Variants in TEX9 observed in about 807,000 individuals in gnomAD.
The protein encoded by TEX9 is testis expressed 9.
TEX9 carries 74 observed loss-of-function variants against 59.6 expected under a neutral mutation model. The observed-to-expected ratio is 1.24, with a 90% CI of 1.03 to 1.51. The LOEUF is 1.51. Among genes scored for constraint, TEX9 ranks in the 40% most tolerant of loss-of-function variants. The pLI, the probability that TEX9 is intolerant of heterozygous loss-of-function variation, is 0.00. For synonymous variants in TEX9, 186 were observed against 152.2 expected, an observed-to-expected ratio of 1.22 and a Z score of -1.64; for missense variants, 522 against 447.8, an observed-to-expected ratio of 1.17 and a Z score of -1.49.
intron 3 of TEX9, among the ~76,000 whole-genome samples, chr15:56,380,159 T>A (rs1306013753): frequency 6.6e-6 from 1 of 152,200 alleles, no homozygotes; most frequent in Non-Finnish European, 1.5e-5. Flanking sequence ...ATTTCCTGAT[T>A]TTTATTTTTT....
chr15:56,437,394 G>C (rs1427650400), intron 12 of TEX9, among the ~76,000 whole-genome samples: 1 of 152,018 alleles, frequency 6.6e-6, no homozygotes, highest in South Asian at 2.1e-4. Flanking sequence ...ATGCAAAAAA[G>C]GCCCTTGACA....
intron 1 of TEX9, among the ~76,000 whole-genome samples, chr15:56,307,976 A>G (rs2045521697): frequency 6.6e-6 from 1 of 152,194 alleles, no homozygotes; most frequent in South Asian, 2.1e-4. Flanking sequence ...TTATCCATTC[A>G]GTAGTTGATG....
At chr15:56,316,839 A>T (rs187116861) in intron 1 of TEX9, among the ~76,000 whole-genome samples, 9 of 152,254 alleles carry the variant, frequency 5.9e-5, no homozygotes, top group Non-Finnish European at 7.4e-5. Context: ...CAGGTGCGGG[A>T]TATAATCTCG....
intron 2 of TEX9, among the ~76,000 whole-genome samples, chr15:56,369,334 C>T (rs149490552): frequency 5.8e-4 from 87 of 150,652 alleles, no homozygotes; most frequent in Admixed American, 2.5e-3. Context: ...GGACTACAGG[C>T]GCATGGCACC....
chr15:56,283,287 A>G (rs192818534), intron 1 of TEX9, among the ~76,000 whole-genome samples: 1 of 152,162 alleles, frequency 6.6e-6, no homozygotes, highest in African/African-American at 2.4e-5. Context: ...TTTAAAACGC[A>G]TGCAATCAAT....
intron 1 of TEX9, among the ~76,000 whole-genome samples, chr15:56,282,743 T>C (rs1400831930): frequency 6.6e-6 from 1 of 152,134 alleles, no homozygotes; most frequent in African/African-American, 2.4e-5. Flanking sequence ...GAAGTAGATG[T>C]GGAAAATTCC....
chr15:56,276,098 A>G (rs1184474597), intron 1 of TEX9, among the ~76,000 whole-genome samples: 4 of 151,604 alleles, frequency 2.6e-5, no homozygotes, highest in East Asian at 1.9e-4. Flanking sequence ...TTTGACTTTA[A>G]TATTCTTGGG....
At chr15:56,440,232 A>T (rs2050795922) in intron 12 of TEX9, among the ~76,000 whole-genome samples, 1 of 152,170 alleles carries the variant, frequency 6.6e-6, no homozygotes, top group Non-Finnish European at 1.5e-5. Context: ...CACTACATGG[A>T]TATTTAAAAG....
At chr15:56,310,834 C>G (rs1452988504) in intron 1 of TEX9, among the ~76,000 whole-genome samples, 4 of 152,210 alleles carry the variant, frequency 2.6e-5, no homozygotes, top group Non-Finnish European at 5.9e-5. Flanking sequence ...CAATGCCAGT[C>G]CTTCAGTGGC....
At chr15:56,338,842 T>C (rs2046309175) in intron 1 of TEX9, among the ~76,000 whole-genome samples, 2 of 151,884 alleles carry the variant, frequency 1.3e-5, no homozygotes, top group Non-Finnish European at 2.9e-5. Flanking sequence ...CACTTGAACC[T>C]GGGAGGCAGA....
chr15:56,404,984 G>A (rs745848024), intron 9 of TEX9, among the ~76,000 whole-genome samples: 1 of 152,110 alleles, frequency 6.6e-6, no homozygotes, highest in Non-Finnish European at 1.5e-5. Flanking sequence ...CCTGTCTGGC[G>A]CTAGGGAGCT....
At position 56,267,810 on chromosome 15, in the gene TEX9, G is replaced by C. The variant is rs375236869; in HGVS notation, c.-107+23532G>C. On this transcript the variant is annotated intron_variant, in intron 1 of 5. Transcript: ENST00000560827. ...TGCTTAGGATTGTCTTGGCAATGTG[G>C]GCTCTTTTTTGGTTCCATATGAACT... Among the ~76,000 whole-genome samples the C allele has an allele frequency of 2.6e-5, 4 of 152,098 alleles. No individual in the cohort carries two copies. In the East Asian group the frequency reaches 7.7e-4, roughly 29 times the overall value.
chr15:56,346,564 A>G lies in TEX9; in HGVS notation c.-106-26877A>G, dbSNP rs184083176. On this transcript the variant is annotated intron_variant, in intron 1 of 5. Transcript: ENST00000560827. ...TCCAAAGTCTTGAGTCTTCTAACCC[A>G]TTTCTCTAACATCTTAGTCCCAAGG... is the stretch of plus-strand genomic sequence containing the variant. 7.9e-5 allele frequency among the ~76,000 whole-genome samples: 12 copies of G among 152,244 alleles called. No individual in the cohort carries two copies. The East Asian group carries it at 2.3e-3, about 29-fold the overall frequency.
At chr15:56,272,739 A>T (rs1396736585) in intron 1 of TEX9, among the ~76,000 whole-genome samples, 3 of 152,128 alleles carry the variant, frequency 2.0e-5, no homozygotes, top group South Asian at 4.1e-4. Context: ...GATTTGACTT[A>T]AAAAAATGTA....
At chr15:56,283,161 T>C (rs567736767) in intron 1 of TEX9, among the ~76,000 whole-genome samples, 1 of 152,086 alleles carries the variant, frequency 6.6e-6, no homozygotes, top group South Asian at 2.1e-4. Flanking sequence ...ATTGAGAGTT[T>C]GAAGGGACAC....
intron 9 of TEX9, among the ~76,000 whole-genome samples, chr15:56,401,832 C>G (rs2048801090): frequency 6.6e-6 from 1 of 152,196 alleles, no homozygotes; most frequent in Admixed American, 6.5e-5. Context: ...GAAACTCACT[C>G]AAAACCACAC....
intron 9 of TEX9, among the ~76,000 whole-genome samples, chr15:56,411,318 A>G (rs773377981): frequency 1.3e-5 from 2 of 152,156 alleles, no homozygotes; most frequent in Non-Finnish European, 2.9e-5. Context: ...AGCTTAAACT[A>G]TAGTGGGGGA....
At chr15:56,399,168 G>A (rs553824898) in intron 9 of TEX9, among the ~76,000 whole-genome samples, 1 of 152,202 alleles carries the variant, frequency 6.6e-6, no homozygotes, top group African/African-American at 2.4e-5. Context: ...CGCCTTACCC[G>A]GGAAGTGCAA....
At chr15:56,413,616 C>A (rs2140160368) in intron 10 of TEX9, among the ~76,000 whole-genome samples, 1 of 151,628 alleles carries the variant, frequency 6.6e-6, no homozygotes, top group Non-Finnish European at 1.5e-5. Context: ...TTTGACTGCT[C>A]TAGGAAGTAA....
Sources: gnomAD v4.1 joint callset for allele counts (sites outside exome capture counted in the v4.1 genomes callset) on GRCh38, gnomAD v4.1.1 for gene constraint, MANE v1.5 for transcripts, NCBI Gene and HGNC (gene_info 2026-07-23, HGNC 2026-07-21) for gene names.